TBATA: variants seen among roughly 807,000 people sequenced by gnomAD.
TBATA encodes the protein thymus, brain and testes associated, also known as protein TBATA.
In TBATA, 47 loss-of-function variants were observed where a neutral mutation model predicts 38.7. The ratio of observed to expected loss-of-function variants is 1.21; its 90% CI spans 0.96 to 1.55. The LOEUF is 1.55. TBATA is among the 40% of genes most tolerant of loss of function. The pLI is 0.00. For synonymous variants in TBATA, 183 were observed against 170.5 expected, an observed-to-expected ratio of 1.07 and a Z score of -0.57; for missense variants, 436 against 435.6, an observed-to-expected ratio of 1.00 and a Z score of -0.01.
chr10:70,783,980 G>A (rs983575977), intron 2 of TBATA, among the ~76,000 whole-genome samples: 4 of 152,174 alleles, frequency 2.6e-5, no homozygotes, highest in Non-Finnish European at 4.4e-5. Flanking sequence ...TATATAATGT[G>A]TGGATAATAT....
chr10:70,773,468 C>CCCCG (rs1554826514), intron 9 of TBATA, among the ~76,000 whole-genome samples: 2 of 151,538 alleles, frequency 1.3e-5, no homozygotes, highest in Admixed American at 6.6e-5. Context: ...AATACAGGCC[C>CCCCG]CCCCGGCTTC....
intron 4 of TBATA, 142 bp from the exon 5 acceptor site, chr10:70,779,884 A>G (rs1843940448): frequency 7.7e-6 from 7 of 903,336 alleles, no homozygotes. Flanking sequence ...CAGAGCTGGG[A>G]GGGCATTGTA....
At chr10:70,776,426 C>T (rs1302795721) in intron 7 of TBATA, 4 of 456,138 alleles carry the variant, frequency 8.8e-6, no homozygotes, top group Admixed American at 2.3e-5. Context: ...TATGCTGCTC[C>T]GTCTCAGGGG....
chr10:70,783,337 A>T lies in TBATA; in HGVS notation c.41+2T>A. The T allele has an allele frequency of 6.2e-7, 1 of 1,614,134 alleles. No individual in the cohort carries two copies. Among genetic ancestry groups the T allele is most frequent in the Non-Finnish European group, 8.5e-7 (1 of 1,179,998 alleles). On this transcript the variant is annotated splice_donor_variant, in intron 3 of 10. Coordinates refer to ENST00000456372, the MANE Select transcript of TBATA (RefSeq NM_001318241.2). LOFTEE classifies it high-confidence loss of function. The stretch of plus-strand genomic sequence containing the variant: ...CAGCAGGGTGGGCATTTGGAGCCTC[A>T]CCTCATCAGTGGATAATCAGCCAAT...
At chr10:70,777,433 C>T in intron 6 of TBATA, 95 bp from the exon 7 acceptor site, 1 of 1,186,582 alleles carries the variant, frequency 8.4e-7, no homozygotes, top group African/African-American at 1.5e-5. Flanking sequence ...GTCACAATCC[C>T]AGGGCACTTC....
rs1463156619 is a variant in TBATA at position 70,781,907 on chromosome 10, C to T, written c.171G>A (p.Arg57=). Residue 57 remains arginine, a synonymous_variant, in exon 4 of 11, where the codon AGG becomes AGA. Transcript: ENST00000456372. ...TGCCAGGGGTTTGGGGCTTTGGGGT[C>T]CTCAATGCCCGGCGGATCCGCTCGA... The part of the protein sequence containing the change: ...VDFERIRRAL[R]TPKPQTPGTY... The T allele has an allele frequency of 6.2e-7, 1 of 1,614,202 alleles. No individual in the cohort carries two copies. Among genetic ancestry groups the T allele is most frequent in the Admixed American group, 1.7e-5 (1 of 60,030 alleles).
At chr10:70,778,915 G>C in intron 5 of TBATA, 1 of 535,218 alleles carries the variant, frequency 1.9e-6, no homozygotes, top group Non-Finnish European at 3.4e-6. Context: ...GGGGATGCTG[G>C]AGAATATTTG....
Position 70,778,565 on chromosome 10 carries a change from T to C in TBATA, c.499A>G (p.Lys167Glu). The C allele has an allele frequency of 1.9e-6, 3 of 1,614,126 alleles. No individual in the cohort carries two copies. The African/African-American group carries it at 4.0e-5, about 22-fold the overall frequency. ...AFLTKEDELK[K>E]KEQKEQKEEP... ...CTGTGTTCCGCACCCACCTCTTTCT[T>C]CTTCAGTTCATCCTCCTTGGTGAGG... Residue 167 changes from lysine (K) to glutamate (E), a missense_variant, in exon 6 of 11, where the codon AAG (lysine) becomes GAG (glutamate). Lys to Glu is a moderately conservative substitution (Grantham distance 56). Transcript: ENST00000456372.
rs758211490 is a variant in TBATA at position 70,782,050 on chromosome 10, T to G, written c.42-14A>C. 9 of 1,613,212 alleles carry G rather than the reference T, an allele frequency of 5.6e-6. No individual in the cohort carries two copies. The African/African-American group carries it at 1.2e-4, about 22-fold the overall frequency. ...TCAGCCTTTGGACTGAAGGAGGGGG[T>G]TTCAGGAGAAGCTAATGGAGTCTCC... On this transcript the variant is annotated splice_polypyrimidine_tract_variant and intron_variant, in intron 3 of 10. Transcript: ENST00000456372.
chr10:70,782,184 C>A, intron 3 of TBATA, 148 bp from the exon 4 acceptor site: 2 of 1,264,142 alleles, frequency 1.6e-6, no homozygotes, highest in Non-Finnish European at 1.1e-6. Flanking sequence ...CCCATAGCAC[C>A]AAAAGCTAGG....
chr10:70,778,706 C>A, intron 5 of TBATA, 70 bp from the exon 6 acceptor site: 2 of 1,373,404 alleles, frequency 1.5e-6, no homozygotes, highest in Non-Finnish European at 2.1e-6. Flanking sequence ...GCCACCAGGC[C>A]TTGGTAGAGG....
rs752781993 is a variant in TBATA at position 70,779,717 on chromosome 10, G to A, written c.303C>T (p.Val101=). Residue 101 remains valine (V), a synonymous_variant, in exon 5 of 11, where the codon GTC becomes GTT. Coordinates refer to ENST00000456372, the MANE Select transcript of TBATA (RefSeq NM_001318241.2). ...IQDLTGKPVC[V]VRDFPAPLPE... ...GCAAGGGGGCTGGAAAATCCCTGACGACACAGACAGGCTTCCCGGTGAGAT... is the reference window on the plus strand; with the variant it reads ...GCAAGGGGGCTGGAAAATCCCTGACAACACAGACAGGCTTCCCGGTGAGAT... The A allele has an allele frequency of 1.6e-5, 24 of 1,537,074 alleles. No homozygotes were observed. Among genetic ancestry groups the A allele is most frequent in the South Asian group, 3.8e-5 (3 of 78,892 alleles).
rs1843727749 is a variant in TBATA at position 70,778,619 on chromosome 10, A to T, written c.445T>A (p.Leu149Met). ...QLSSEAWKKE[L>M]KELASRVAFL... ...GCCACCCGGGAAGCTAGCTCCTTCA[A>T]CTCCTTCTTCCAGGCTTCTGGGAGG... The change falls in exon 6 of 11, where the codon TTG (leucine) becomes ATG (methionine). Residue 149 changes from leucine (L) to methionine (M), a missense_variant. Leu to Met is a conservative substitution (Grantham distance 15). Coordinates refer to ENST00000456372, the MANE Select transcript of TBATA (RefSeq NM_001318241.2). The T allele has an allele frequency of 6.2e-7, 1 of 1,613,624 alleles. No homozygotes were observed. Among genetic ancestry groups the T allele is most frequent in the South Asian group, 1.1e-5 (1 of 91,058 alleles).
chr10:70,781,163 C>A (rs914842788), intron 4 of TBATA, among the ~76,000 whole-genome samples: 2 of 152,182 alleles, frequency 1.3e-5, no homozygotes, highest in African/African-American at 4.8e-5. Context: ...GCGCTCTTGC[C>A]TTCTGGACTT....
intron 3 of TBATA, chr10:70,782,404 G>A: frequency 5.4e-6 from 7 of 1,304,824 alleles, no homozygotes; most frequent in Non-Finnish European, 7.0e-6. Context: ...ATACATCCCT[G>A]GGGATGGGGA....
Position 70,779,747 on chromosome 10 carries a change from A to C in TBATA, c.278-5T>G. ...AGACAGGCTTCCCGGTGAGATCTGC[A>C]AAGGGTTAGAGGCTGTGGGAAGGGA... On this transcript the variant is annotated splice_polypyrimidine_tract_variant and splice_region_variant and intron_variant, in intron 4 of 10. Coordinates refer to ENST00000456372, the MANE Select transcript of TBATA (RefSeq NM_001318241.2). 1 of 1,536,622 alleles carries C rather than the reference A, an allele frequency of 6.5e-7. No homozygotes were observed. The highest frequency in any genetic ancestry group is 1.3e-5 in the South Asian group (1 of 78,648).
Position 70,774,400 on chromosome 10 carries a change from C to G in TBATA, c.776-43G>C, listed in dbSNP as rs537312540. 21 of 1,535,430 alleles carry G rather than the reference C, an allele frequency of 1.4e-5. No individual in the cohort carries two copies. The African/African-American group carries it at 2.6e-4, about 19-fold the overall frequency. On this transcript the variant is annotated intron_variant, in intron 8 of 10. Transcript: ENST00000456372. The stretch of plus-strand genomic sequence containing the variant: ...GGGCAGTGTCCTCAGCCCCCAGCCC[C>G]CTTCCTGTCCCTGTGGCGGGGCCAG...
intron 3 of TBATA, 33 bp from the exon 4 acceptor site, chr10:70,782,069 A>G (rs777813753): frequency 6.2e-7 from 1 of 1,602,558 alleles, no homozygotes; most frequent in South Asian, 1.1e-5. Flanking sequence ...AAGCTAATGG[A>G]GTCTCCTCTG....
At chr10:70,778,351 C>G (rs1419515185) in intron 6 of TBATA, among the ~76,000 whole-genome samples, 4 of 152,108 alleles carry the variant, frequency 2.6e-5, no homozygotes, top group African/African-American at 9.7e-5. Context: ...CGAAGGCCCC[C>G]AAGTGCCTCC....
Sources: gnomAD v4.1 joint callset for allele counts (sites outside exome capture counted in the v4.1 genomes callset) on GRCh38, gnomAD v4.1.1 for gene constraint, MANE v1.5 for transcripts, NCBI Gene and HGNC (gene_info 2026-07-23, HGNC 2026-07-21) for gene names.